The following SORL1 variants were observed in gnomAD, a reference collection of about 807,000 sequenced individuals.
SORL1 encodes sortilin-related receptor.
In SORL1, 127 loss-of-function variants were observed where a neutral mutation model predicts 273.7. The observed-to-expected ratio is 0.46, with a 90% CI of 0.40 to 0.54. The LOEUF is 0.54. SORL1 is among the 20% of genes least tolerant of loss of function. The probability of loss-of-function intolerance (pLI) is 0.00; values close to 1 mark genes in which losing one functional copy is unlikely to be tolerated. For synonymous variants in SORL1, 1,031 were observed against 1,067.4 expected (o/e 0.97, Z 0.66); for missense variants, 2,494 against 2,846.1 (o/e 0.88, Z 2.81).
intron 23 of SORL1, among the ~76,000 whole-genome samples, chr11:121,571,025 C>G (rs1862833765): frequency 6.6e-6 from 1 of 152,190 alleles, no homozygotes; most frequent in African/African-American, 2.4e-5. Flanking sequence ...TTGCTATACA[C>G]CCTGTGTTCC....
At chr11:121,538,120 C>T (rs1157854098) in intron 12 of SORL1, among the ~76,000 whole-genome samples, 1 of 151,782 alleles carries the variant, frequency 6.6e-6, no homozygotes, top group African/African-American at 2.4e-5. Flanking sequence ...CACTCTGTAT[C>T]TATTAATAAA....
At chr11:121,478,469 GACAA>G (rs2134794632) in intron 3 of SORL1, among the ~76,000 whole-genome samples, 1 of 152,324 alleles carries the variant, frequency 6.6e-6, no homozygotes, top group African/African-American at 2.4e-5. Context: ...AGGATTTCTA[GACAA>G]ACAATGACAG....
At chr11:121,467,014 G>T (rs1377221935) in intron 1 of SORL1, among the ~76,000 whole-genome samples, 1 of 148,652 alleles carries the variant, frequency 6.7e-6, no homozygotes, top group Non-Finnish European at 1.5e-5. Context: ...TTGCCTTCTA[G>T]AGGTTTTCTT....
intron 1 of SORL1, among the ~76,000 whole-genome samples, chr11:121,458,521 T>A (rs147992898): frequency 6.6e-6 from 1 of 152,256 alleles, no homozygotes; most frequent in African/African-American, 2.4e-5. Context: ...GTCTGGGCTG[T>A]GGGGGTGAGG....
chr11:121,485,885 A>G (rs776327032), intron 3 of SORL1, among the ~76,000 whole-genome samples: 11 of 152,324 alleles, frequency 7.2e-5, no homozygotes, highest in Non-Finnish European at 1.2e-4. Context: ...AGGCTTCTGC[A>G]GAGTTTAGAG....
intron 1 of SORL1, among the ~76,000 whole-genome samples, chr11:121,461,074 C>G (rs1860992421): frequency 6.6e-6 from 1 of 151,888 alleles, no homozygotes; most frequent in Non-Finnish European, 1.5e-5. Context: ...GAAGGACTTG[C>G]ATGCTTTGAA....
At chr11:121,544,198 C>T (rs1862390187) in intron 13 of SORL1, among the ~76,000 whole-genome samples, 1 of 152,088 alleles carries the variant, frequency 6.6e-6, no homozygotes, top group African/African-American at 2.4e-5. Context: ...AGCATCCTCT[C>T]CCTGCTTCCC....
At chr11:121,543,761 A>C (rs1358444268) in intron 13 of SORL1, 35 bp downstream of exon 13, 7 of 1,585,170 alleles carry the variant, frequency 4.4e-6, no homozygotes, top group Non-Finnish European at 6.0e-6. Context: ...TTTCACATGG[A>C]TATGCGTGGA....
intron 12 of SORL1, among the ~76,000 whole-genome samples, chr11:121,541,991 C>T (rs746338628): frequency 2.0e-5 from 3 of 152,184 alleles, no homozygotes; most frequent in Non-Finnish European, 4.4e-5. Flanking sequence ...AACCGTATAA[C>T]GAACACCCAT....
chr11:121,529,697 C>T (rs984734210), intron 11 of SORL1, among the ~76,000 whole-genome samples: 3 of 152,132 alleles, frequency 2.0e-5, no homozygotes, highest in Admixed American at 6.5e-5. Flanking sequence ...CCACCATGCC[C>T]AGTTCTTTGA....
chr11:121,553,840 T>A, intron 16 of SORL1, 97 bp from the exon 17 acceptor site: 1 of 1,189,414 alleles, frequency 8.4e-7, no homozygotes, highest in Non-Finnish European at 1.2e-6. Flanking sequence ...GCCAATGAAT[T>A]TGAGGTTTGT....
Position 121,612,733 on chromosome 11 carries a change from C to G in SORL1, c.5323-3C>G. On this transcript the variant is annotated splice_region_variant and splice_polypyrimidine_tract_variant and intron_variant, in intron 39 of 47. Coordinates refer to ENST00000260197, the MANE Select transcript of SORL1 (RefSeq NM_003105.6). ...ATCTAACATGCTTCTTGGTTCTCGG[C>G]AGGTGAATGGCTATGTGGTGAACCT... The G allele has an allele frequency of 1.2e-6, 2 of 1,612,700 alleles. No individual in the cohort carries two copies. Among genetic ancestry groups the G allele is most frequent in the Non-Finnish European group, 1.7e-6 (2 of 1,178,774 alleles).
intron 41 of SORL1, among the ~76,000 whole-genome samples, chr11:121,616,346 T>C (rs1400509191): frequency 2.0e-5 from 3 of 152,240 alleles, no homozygotes; most frequent in Admixed American, 2.0e-4. Flanking sequence ...GGAAGCTCTC[T>C]GCTTCTGCCC....
At chr11:121,529,362 G>A (rs1040714051) in intron 11 of SORL1, among the ~76,000 whole-genome samples, 2 of 151,734 alleles carry the variant, frequency 1.3e-5, no homozygotes, top group African/African-American at 4.8e-5. Flanking sequence ...GATTTCAGGC[G>A]CTCACCACCA....
In SORL1 at chr11:121,624,979, T is replaced by A; in HGVS notation, c.6172-106T>A. 5.1e-6 allele frequency: 4 copies of A among 781,886 alleles called. No individual in the cohort carries two copies. In the Middle Eastern group the frequency reaches 7.3e-4, roughly 143 times the overall value. 48.4% of individuals were successfully genotyped at this position (781,886 alleles called of 1,614,324 possible). On this transcript the variant is annotated intron_variant, in intron 45 of 47. Coordinates refer to ENST00000260197, the MANE Select transcript of SORL1 (RefSeq NM_003105.6). ...AGGAGAAACCCAGGGCGCTTTCGCG[T>A]CTGTAGCAGCCCACAGTGAGGAGCT...
At chr11:121,574,404 G>T (rs767935230) in intron 24 of SORL1, 41 bp downstream of exon 24, 1 of 1,601,956 alleles carries the variant, frequency 6.2e-7, no homozygotes, top group South Asian at 1.1e-5. Flanking sequence ...TCTGGAGAGG[G>T]GGGTCATTGT....
intron 39 of SORL1, 77 bp from the exon 40 acceptor site, chr11:121,612,659 A>T: frequency 9.3e-7 from 1 of 1,077,540 alleles, no homozygotes; most frequent in South Asian, 1.3e-5. Flanking sequence ...AAAGAGGTGT[A>T]TTTTTAATCC....
At chr11:121,543,455 C>G (rs1205723356) in intron 12 of SORL1, 93 bp from the exon 13 acceptor site, 5 of 1,009,434 alleles carry the variant, frequency 5.0e-6, no homozygotes, top group South Asian at 1.6e-5. Context: ...TCCAAGGAGC[C>G]CTGGTTCCTG....
chr11:121,455,279 C>T (rs1860884760), intron 1 of SORL1, among the ~76,000 whole-genome samples: 1 of 152,154 alleles, frequency 6.6e-6, no homozygotes, highest in South Asian at 2.1e-4. Context: ...GTGTGACATG[C>T]AGCGCATGGG....
Sources: gnomAD v4.1 joint callset for allele counts (sites outside exome capture counted in the v4.1 genomes callset) on GRCh38, gnomAD v4.1.1 for gene constraint, MANE v1.5 for transcripts, NCBI Gene and HGNC (gene_info 2026-07-23, HGNC 2026-07-21) for gene names.